The following MACROD2 variants were observed in gnomAD, a reference collection of about 807,000 sequenced individuals.
MACROD2 encodes ADP-ribose glycohydrolase MACROD2.
A neutral mutation model predicts 70.4 loss-of-function variants in MACROD2; 36 were observed. The observed-to-expected ratio is 0.51, with a 90% CI of 0.39 to 0.68. The LOEUF (loss-of-function observed/expected upper bound fraction) is 0.68, where lower values mean the gene tolerates loss of function less well. Among genes scored for constraint, MACROD2 ranks in the 30% least tolerant of loss-of-function variants. MACROD2 has a pLI of 0.00. For missense variants in MACROD2, 496 were observed against 538.4 expected (o/e 0.92, Z 0.78); for synonymous variants, 172 against 178.8 (o/e 0.96, Z 0.30).
At chr20:15,455,320 T>A (rs1410543042) in intron 7 of MACROD2, among the ~76,000 whole-genome samples, 1 of 152,200 alleles carries the variant, frequency 6.6e-6, no homozygotes, top group African/African-American at 2.4e-5. Context: ...CTGTGTCATC[T>A]GATTTAATGG....
intron 3 of MACROD2, among the ~76,000 whole-genome samples, chr20:14,480,321 A>C (rs1169085658): frequency 6.6e-6 from 1 of 152,220 alleles, no homozygotes; most frequent in African/African-American, 2.4e-5. Context: ...TAGAGGTTTC[A>C]GTAATTTGCC....
intron 5 of MACROD2, among the ~76,000 whole-genome samples, chr20:15,224,310 A>G (rs900572260): frequency 9.8e-5 from 15 of 152,374 alleles, no homozygotes; most frequent in African/African-American, 3.1e-4. Flanking sequence ...TTGCATGTAT[A>G]CAAGCATGAG....
chr20:14,899,129 C>T (rs1367082942), intron 5 of MACROD2, among the ~76,000 whole-genome samples: 2 of 152,162 alleles, frequency 1.3e-5, no homozygotes, highest in African/African-American at 2.4e-5. Context: ...TGCACATCTG[C>T]CTCCTTTTCT....
intron 10 of MACROD2, among the ~76,000 whole-genome samples, chr20:15,896,350 G>A (rs527647288): frequency 2.0e-5 from 3 of 152,072 alleles, no homozygotes; most frequent in African/African-American, 7.2e-5. Context: ...TTTCAGAAAG[G>A]GTTGTAGAAA....
intron 8 of MACROD2, among the ~76,000 whole-genome samples, chr20:15,617,834 A>G (rs2049059989): frequency 6.6e-6 from 1 of 152,124 alleles, no homozygotes; most frequent in Non-Finnish European, 1.5e-5. Flanking sequence ...GGGGGTGGAG[A>G]GGAAGTTCAG....
At chr20:15,163,902 G>A (rs2076365233) in intron 5 of MACROD2, among the ~76,000 whole-genome samples, 1 of 152,096 alleles carries the variant, frequency 6.6e-6, no homozygotes, top group Admixed American at 6.6e-5. Flanking sequence ...TATATGCTGG[G>A]CAATTCTTTA....
chr20:16,031,725 A>G (rs974246354), intron 15 of MACROD2, among the ~76,000 whole-genome samples: 2 of 152,206 alleles, frequency 1.3e-5, no homozygotes, highest in African/African-American at 4.8e-5. Flanking sequence ...TTAAAATGCA[A>G]TACTAATCAA....
At chr20:14,580,201 C>G (rs571252532) in intron 4 of MACROD2, among the ~76,000 whole-genome samples, 1 of 152,260 alleles carries the variant, frequency 6.6e-6, no homozygotes, top group Non-Finnish European at 1.5e-5. Flanking sequence ...AAAGAAAAAT[C>G]ACAGTATTGT....
chr20:14,442,217 C>T (rs2122960630), intron 3 of MACROD2, among the ~76,000 whole-genome samples: 1 of 152,214 alleles, frequency 6.6e-6, no homozygotes, highest in East Asian at 1.9e-4. Context: ...TTGCAGTAAG[C>T]TGAGATCCCA....
chr20:14,582,608 T>C (rs1981107792), intron 4 of MACROD2, among the ~76,000 whole-genome samples: 1 of 152,172 alleles, frequency 6.6e-6, no homozygotes, highest in African/African-American at 2.4e-5. Context: ...AAAATGGTGC[T>C]AATGCAGTGT....
intron 8 of MACROD2, among the ~76,000 whole-genome samples, chr20:15,841,249 C>T (rs2064166808): frequency 6.6e-6 from 1 of 152,082 alleles, no homozygotes; most frequent in African/African-American, 2.4e-5. Flanking sequence ...GAAATACAAG[C>T]GTATTTTATT....
chr20:15,405,291 T>A (rs943202203), intron 6 of MACROD2, among the ~76,000 whole-genome samples: 8 of 152,008 alleles, frequency 5.3e-5, no homozygotes, highest in African/African-American at 1.9e-4. Flanking sequence ...TAATATTATC[T>A]TATCTTATGT....
chr20:15,771,946 G>A (rs1184143561), intron 8 of MACROD2, among the ~76,000 whole-genome samples: 3 of 150,872 alleles, frequency 2.0e-5, no homozygotes, highest in South Asian at 2.1e-4. Flanking sequence ...TTAGCCGGGC[G>A]TAGTGGCGGG....
At chr20:15,945,845 A>G (rs994291568) in intron 12 of MACROD2, among the ~76,000 whole-genome samples, 7 of 152,156 alleles carry the variant, frequency 4.6e-5, no homozygotes, top group African/African-American at 1.4e-4. Context: ...TCTATCCACC[A>G]TGCTGCCTCC....
At chr20:15,144,820 C>T (rs1280899393) in intron 5 of MACROD2, among the ~76,000 whole-genome samples, 2 of 152,272 alleles carry the variant, frequency 1.3e-5, no homozygotes, top group Middle Eastern at 3.4e-3. Context: ...GGTTGCTGTC[C>T]TGGAAGAGTG....
At chr20:14,693,206 G>T (rs1480088502) in intron 5 of MACROD2, among the ~76,000 whole-genome samples, 1 of 152,156 alleles carries the variant, frequency 6.6e-6, no homozygotes, top group Non-Finnish European at 1.5e-5. Context: ...TCAGCCTTTG[G>T]ATGTGTTTAA....
At chr20:15,683,983 C>A (rs1180456749) in intron 8 of MACROD2, among the ~76,000 whole-genome samples, 5 of 152,068 alleles carry the variant, frequency 3.3e-5, no homozygotes, top group African/African-American at 1.2e-4. Flanking sequence ...CCATCTTCTT[C>A]CTACCACCCA....
intron 3 of MACROD2, among the ~76,000 whole-genome samples, chr20:14,342,027 C>T (rs564158439): frequency 6.8e-4 from 104 of 152,208 alleles, no homozygotes; most frequent in African/African-American, 2.3e-3. Flanking sequence ...CTCCAAAAGC[C>T]CCTGCACGGA....
chr20:15,464,275 C>T (rs1003155727), intron 7 of MACROD2, among the ~76,000 whole-genome samples: 2 of 152,110 alleles, frequency 1.3e-5, no homozygotes, highest in Non-Finnish European at 2.9e-5. Flanking sequence ...TTCAGCCTCC[C>T]AACGTGTTGG....
Sources: gnomAD v4.1 joint callset for allele counts (sites outside exome capture counted in the v4.1 genomes callset) on GRCh38, gnomAD v4.1.1 for gene constraint, MANE v1.5 for transcripts, NCBI Gene and HGNC (gene_info 2026-07-23, HGNC 2026-07-21) for gene names.